RIN2: variants seen among roughly 807,000 people sequenced by gnomAD.
RIN2 encodes Ras and Rab interactor 2, also known as RAB5 interacting protein 2.
RIN2 carries 36 observed loss-of-function variants against 78.0 expected under a neutral mutation model. That is an observed-to-expected ratio of 0.46 (90% CI 0.35 to 0.61). RIN2 has a LOEUF of 0.61. Among genes scored for constraint, RIN2 ranks in the 20% least tolerant of loss-of-function variants. The pLI is 0.00. For missense variants in RIN2, 1,087 were observed against 1,159.7 expected (o/e 0.94, Z 0.91); for synonymous variants, 466 against 466.8 (o/e 1.00, Z 0.02).
At chr20:19,774,680 G>T (rs193121552) in intron 1 of RIN2, among the ~76,000 whole-genome samples, 2 of 152,206 alleles carry the variant, frequency 1.3e-5, no homozygotes, top group Admixed American at 1.3e-4. Context: ...CAGGGTACCC[G>T]CTTTGTACTT....
intron 2 of RIN2, among the ~76,000 whole-genome samples, chr20:19,876,770 T>A (rs1216045038): frequency 1.3e-5 from 2 of 151,956 alleles, no homozygotes; most frequent in Non-Finnish European, 2.9e-5. Flanking sequence ...CTGGGTGTGG[T>A]GGCGGGTGCG....
intron 1 of RIN2, among the ~76,000 whole-genome samples, chr20:19,794,140 A>C (rs1026586960): frequency 2.0e-5 from 3 of 152,216 alleles, no homozygotes; most frequent in African/African-American, 7.2e-5. Context: ...AGAATAATGC[A>C]TCTATAGTCA....
intron 2 of RIN2, among the ~76,000 whole-genome samples, chr20:19,811,305 G>C (rs1422323255): frequency 6.6e-6 from 1 of 152,130 alleles, no homozygotes; most frequent in Non-Finnish European, 1.5e-5. Flanking sequence ...AGGTGCTGGA[G>C]ACCTCACCTG....
intron 3 of RIN2, among the ~76,000 whole-genome samples, chr20:19,920,973 G>T (rs763067695): frequency 6.8e-6 from 1 of 147,998 alleles, no homozygotes; most frequent in African/African-American, 2.5e-5. Context: ...ATGCCCAGCC[G>T]AAACAGTTTT....
chr20:19,788,863 A>C (rs1341645929), intron 1 of RIN2, among the ~76,000 whole-genome samples: 1 of 152,242 alleles, frequency 6.6e-6, no homozygotes, highest in Non-Finnish European at 1.5e-5. Flanking sequence ...GACTCATTAA[A>C]ATTTCAAATA....
intron 2 of RIN2, among the ~76,000 whole-genome samples, chr20:19,860,700 C>T (rs543441809): frequency 1.3e-5 from 2 of 152,320 alleles, no homozygotes; most frequent in South Asian, 4.1e-4. Flanking sequence ...CACACTCACT[C>T]CCCATGGAGT....
chr20:19,863,064 T>C (rs1417316062), intron 2 of RIN2, among the ~76,000 whole-genome samples: 1 of 152,182 alleles, frequency 6.6e-6, no homozygotes, highest in Non-Finnish European at 1.5e-5. Flanking sequence ...AAGGTGAGCG[T>C]TTTCTCATAT....
Position 19,990,234 on chromosome 20 carries a change from T to C in RIN2, c.1991T>C (p.Met664Thr). The change falls in exon 10 of 13, where the codon ATG becomes ACG. Residue 664 changes from methionine to threonine, a missense_variant. Transcript: ENST00000255006. ...GTCAAGTTCATGACCATGCAGAAGATGTATTCGCCGGAAAAGAAGGTCATG... is the reference window on the plus strand; with the variant it reads ...GTCAAGTTCATGACCATGCAGAAGACGTATTCGCCGGAAAAGAAGGTCATG... ...IKVKFMTMQK[M>T]YSPEKKVMLL... 6.2e-7 allele frequency: 1 copy of C among 1,613,322 alleles called. No homozygotes were observed.
intron 1 of RIN2, among the ~76,000 whole-genome samples, chr20:19,789,605 C>G (rs546855710): frequency 3.3e-5 from 5 of 152,194 alleles, no homozygotes; most frequent in African/African-American, 4.8e-5. Flanking sequence ...GTAGCTTTAG[C>G]TGCCTGCTCC....
intron 1 of RIN2, among the ~76,000 whole-genome samples, chr20:19,760,728 A>G (rs371669861): frequency 1.3e-5 from 2 of 152,158 alleles, no homozygotes; most frequent in East Asian, 1.9e-4. Context: ...TACTCTCTGT[A>G]TTATAGTGCT....
intron 2 of RIN2, among the ~76,000 whole-genome samples, chr20:19,877,095 A>G (rs73901318): frequency 6.6e-6 from 1 of 152,158 alleles, no homozygotes; most frequent in Non-Finnish European, 1.5e-5. Context: ...GAGTAAGAAG[A>G]TAAGGTCTTC....
chr20:19,847,965 A>C (rs2036839189), intron 2 of RIN2, among the ~76,000 whole-genome samples: 1 of 152,138 alleles, frequency 6.6e-6, no homozygotes, highest in South Asian at 2.1e-4. Context: ...CCAGTACAAA[A>C]GCAACCATGG....
chr20:19,843,134 G>A (rs1032878946), intron 2 of RIN2, among the ~76,000 whole-genome samples: 1 of 152,182 alleles, frequency 6.6e-6, no homozygotes, highest in African/African-American at 2.4e-5. Flanking sequence ...GTGCAAATGA[G>A]CAAAGAAAAT....
intron 9 of RIN2, among the ~76,000 whole-genome samples, chr20:19,983,538 C>G (rs966012772): frequency 8.1e-6 from 1 of 123,708 alleles, no homozygotes; most frequent in African/African-American, 4.2e-5. Context: ...TTTGACTTCC[C>G]TACAAAAAAA....
Position 19,809,249 on chromosome 20 carries a change from C to G in RIN2, c.-37+9502C>G, listed in dbSNP as rs1411797171. The G allele has an allele frequency of 2.6e-5, 4 of 152,414 alleles. No individual in the cohort carries two copies. The East Asian group carries it at 7.7e-4, about 29-fold the overall frequency. The allele number at this position is 152,414 out of a possible 1,614,324, so 9.4% of individuals were successfully genotyped here. The stretch of plus-strand genomic sequence containing the variant: ...GACCACCAGCAACCTACAGAGCTGC[C>G]CAACCAGGAAATTGTCAGATGGAAG... On this transcript the variant is annotated intron_variant, in intron 2 of 12. Transcript: ENST00000255006.
intron 1 of RIN2, among the ~76,000 whole-genome samples, chr20:19,781,512 C>T (rs938954475): frequency 3.3e-5 from 5 of 152,190 alleles, no homozygotes; most frequent in African/African-American, 1.2e-4. Flanking sequence ...ACTGCAACCC[C>T]CGTCTTCTGG....
At chr20:19,878,237 C>T (rs2037916370) in intron 2 of RIN2, among the ~76,000 whole-genome samples, 1 of 152,188 alleles carries the variant, frequency 6.6e-6, no homozygotes, top group African/African-American at 2.4e-5. Flanking sequence ...ATGCCCAAAG[C>T]TCTGGAATCT....
At chr20:19,864,172 C>T (rs550442941) in intron 2 of RIN2, among the ~76,000 whole-genome samples, 1 of 151,726 alleles carries the variant, frequency 6.6e-6, no homozygotes, top group South Asian at 2.1e-4. Flanking sequence ...TTGCAAGAGG[C>T]GGGAGAAGTT....
intron 2 of RIN2, chr20:19,823,636 T>C: frequency 6.4e-7 from 1 of 1,556,184 alleles, no homozygotes; most frequent in East Asian, 2.2e-5. Flanking sequence ...AAAAGTGATA[T>C]TCCCACTGTG....
Sources: allele counts gnomAD v4.1 joint callset (sites outside exome capture counted in the v4.1 genomes callset), GRCh38; gene constraint gnomAD v4.1.1; transcripts MANE v1.5; gene names NCBI Gene and HGNC (gene_info 2026-07-23, HGNC 2026-07-21).